Variants in ARIH1 observed in about 807,000 individuals in gnomAD.
The protein encoded by ARIH1 is E3 ubiquitin-protein ligase ARIH1.
A neutral mutation model predicts 85.0 loss-of-function variants in ARIH1; 8 were observed. The observed-to-expected ratio is 0.09, with a 90% CI of 0.06 to 0.17. ARIH1 has a LOEUF of 0.17. Among genes scored for constraint, ARIH1 ranks in the 10% least tolerant of loss-of-function variants. The probability of loss-of-function intolerance (pLI) is 1.00; values close to 1 mark genes in which losing one functional copy is unlikely to be tolerated. For synonymous variants in ARIH1, 238 were observed against 253.6 expected (o/e 0.94, Z 0.59); for missense variants, 311 against 718.1 (o/e 0.43, Z 6.48).
intron 12 of ARIH1, chr15:72,581,636 A>G (rs564951014): frequency 6.3e-6 from 1 of 159,844 alleles, no homozygotes; most frequent in South Asian, 1.7e-4. Context: ...GGTAACAGGT[A>G]CAAAACTAGC....
At position 72,572,049 on chromosome 15, in the gene ARIH1, T is replaced by C; in HGVS notation, c.1158-59T>C. 4.0e-6 allele frequency: 5 copies of C among 1,237,086 alleles called. No individual in the cohort carries two copies. The Admixed American group carries it at 6.4e-5, about 16-fold the overall frequency. The allele number at this position is 1,237,086 out of a possible 1,614,324, so 76.6% of individuals were successfully genotyped here. On this transcript the variant is annotated intron_variant, in intron 10 of 13. Transcript: ENST00000379887. ...AATCCAGGTTAAAATTCTGATTTTTTTTTTTTCCTTTTCATTGATTTTTTT... is the reference window on the plus strand; with the variant it reads ...AATCCAGGTTAAAATTCTGATTTTTCTTTTTTCCTTTTCATTGATTTTTTT...
chr15:72,509,503 C>T (rs547854449), intron 1 of ARIH1, among the ~76,000 whole-genome samples: 4 of 152,208 alleles, frequency 2.6e-5, no homozygotes, highest in African/African-American at 7.2e-5. Flanking sequence ...TTTCTTTCTA[C>T]CCCATTGTTT....
chr15:72,573,085 C>G (rs958924820), intron 11 of ARIH1, among the ~76,000 whole-genome samples: 16 of 152,320 alleles, frequency 1.1e-4, no homozygotes, highest in African/African-American at 3.6e-4. Flanking sequence ...ATATTCTTTT[C>G]AAATGATTTT....
chr15:72,567,265 T>C, intron 9 of ARIH1, 88 bp downstream of exon 9: 1 of 974,412 alleles, frequency 1.0e-6, no homozygotes, highest in Non-Finnish European at 1.6e-6. Context: ...GTGACCTACT[T>C]ACAGGCTTTG....
chr15:72,540,352 G>A (rs1210101111), intron 2 of ARIH1, among the ~76,000 whole-genome samples: 1 of 151,460 alleles, frequency 6.6e-6, no homozygotes, highest in Non-Finnish European at 1.5e-5. Flanking sequence ...CAAAACCAAA[G>A]GGATGATCAA....
chr15:72,505,261 T>C (rs2063919892), intron 1 of ARIH1, among the ~76,000 whole-genome samples: 1 of 152,204 alleles, frequency 6.6e-6, no homozygotes, highest in Non-Finnish European at 1.5e-5. Context: ...GCCTATAGTA[T>C]TTACAGTTAT....
chr15:72,544,820 G>A lies in ARIH1; in HGVS notation c.444G>A (p.Arg148=). 2 of 1,610,672 alleles carry A rather than the reference G, an allele frequency of 1.2e-6. No homozygotes were observed. Among genetic ancestry groups the A allele is most frequent in the Non-Finnish European group, 1.7e-6 (2 of 1,177,662 alleles). ...TATCCTTTCTGTTTAAATAATGCAG[G>A]TACTTTGATGGAAACCTGGAGAAGC... The part of the protein sequence containing the change: ...FNWDKEKLME[R]YFDGNLEKLF... The change falls in exon 3 of 14, where the codon AGG becomes AGA. Residue 148 remains arginine, a splice_region_variant and synonymous_variant. Transcript: ENST00000379887.
rs16957034 is a variant in ARIH1 at position 72,506,691 on chromosome 15, G to A, written c.376-11376G>A. On this transcript the variant is annotated intron_variant, in intron 1 of 13. Transcript: ENST00000379887. ...GCTTGTAGATTTTATGCAAACATGA[G>A]CCCATGCTTCTGTAGGAAAATCTTA... 9.5e-4 allele frequency among the ~76,000 whole-genome samples: 144 copies of A among 152,214 alleles called. 1 individual carries two copies. In the East Asian group the frequency reaches 0.022, roughly 23 times the overall value.
intron 5 of ARIH1, among the ~76,000 whole-genome samples, chr15:72,556,395 T>C (rs978041341): frequency 2.0e-5 from 3 of 152,206 alleles, no homozygotes; most frequent in African/African-American, 7.2e-5. Context: ...AGATTGCCCA[T>C]AGAGGAATAC....
At chr15:72,548,033 A>C (rs896886231) in intron 3 of ARIH1, among the ~76,000 whole-genome samples, 16 of 152,246 alleles carry the variant, frequency 1.1e-4, no homozygotes, top group Non-Finnish European at 1.8e-4. Context: ...CATTGAACAC[A>C]CTAGGCACTA....
chr15:72,542,394 G>A (rs947865792), intron 2 of ARIH1, among the ~76,000 whole-genome samples: 2 of 151,944 alleles, frequency 1.3e-5, no homozygotes, highest in Non-Finnish European at 2.9e-5. Flanking sequence ...AACTTAATAG[G>A]GAATAAGATC....
chr15:72,530,550 T>C (rs1441392439), intron 2 of ARIH1, among the ~76,000 whole-genome samples: 1 of 152,222 alleles, frequency 6.6e-6, no homozygotes, highest in Non-Finnish European at 1.5e-5. Flanking sequence ...GAAACAAACG[T>C]AAATCTTCTC....
At position 72,474,886 on chromosome 15, in the gene ARIH1, G is replaced by T. The variant is rs1465600303; in HGVS notation, c.247G>T (p.Gly83Cys). The change falls in exon 1 of 14, where the codon GGC (glycine) becomes TGC (cysteine). Residue 83 changes from glycine to cysteine, a missense_variant. Physicochemically the swap from Gly to Cys is radical, Grantham distance 159. This residue lies in a region of ARIH1 where 157 missense variants were observed against 185.1 expected (regional missense o/e 0.85). Transcript: ENST00000379887. ...GGGGCCCGGCGGTGGCGGCGGCGGC[G>T]GCGGCGGCGGTGGTGGTGGCGGGCC... ...ALGPGGGGGG[G>C]GGGGGGGPGH... The T allele has an allele frequency of 7.0e-7, 1 of 1,429,204 alleles. No homozygotes were observed. The highest frequency in any genetic ancestry group is 1.5e-5 in the South Asian group (1 of 65,926). The allele number at this position is 1,429,204 out of a possible 1,614,324, so 88.5% of individuals were successfully genotyped here.
At chr15:72,500,104 T>C (rs1028447216) in intron 1 of ARIH1, among the ~76,000 whole-genome samples, 1 of 151,992 alleles carries the variant, frequency 6.6e-6, no homozygotes, top group Admixed American at 6.6e-5. Context: ...TTCTCTCTTT[T>C]TTTTTTTTGA....
At position 72,569,231 on chromosome 15, in the gene ARIH1, C is replaced by G. The variant is rs188035826; in HGVS notation, c.1027-946C>G. 2.4e-4 allele frequency among the ~76,000 whole-genome samples: 36 copies of G among 152,222 alleles called. 1 individual carries two copies. In the East Asian group the frequency reaches 5.0e-3, roughly 21 times the overall value. On this transcript the variant is annotated intron_variant, in intron 9 of 13. Coordinates refer to ENST00000379887, the MANE Select transcript of ARIH1 (RefSeq NM_005744.5). ...ACTGAGGCAGGAGGATGACTTGAAC[C>G]CTTGAGGTCAAAGCTGCAGTGAGCC...
chr15:72,490,944 C>A (rs547032798), intron 1 of ARIH1, among the ~76,000 whole-genome samples: 1 of 151,896 alleles, frequency 6.6e-6, no homozygotes, highest in Non-Finnish European at 1.5e-5. Flanking sequence ...GGTGAAACCC[C>A]GTGTCTACTA....
At position 72,573,937 on chromosome 15, in the gene ARIH1, C is replaced by T. The variant is rs1344890958; in HGVS notation, c.1215+1772C>T. ...TAAATGATGTCCCTTAAGTCATATC[C>T]CACTAACTTTCTATATATTTCTATA... On this transcript the variant is annotated intron_variant, in intron 11 of 13. Coordinates refer to ENST00000379887, the MANE Select transcript of ARIH1 (RefSeq NM_005744.5). Among the ~76,000 whole-genome samples the T allele has an allele frequency of 5.3e-5, 8 of 152,044 alleles. No homozygotes were observed. In the East Asian group the frequency reaches 1.5e-3, roughly 29 times the overall value.
intron 1 of ARIH1, chr15:72,475,271 C>T (rs2063789999): frequency 5.8e-6 from 4 of 694,520 alleles, no homozygotes; most frequent in Non-Finnish European, 4.1e-6. Flanking sequence ...GTCGCCTAAG[C>T]CTTCTCTTGC....
chr15:72,561,036 A>G (rs1272677856), intron 5 of ARIH1, among the ~76,000 whole-genome samples: 1 of 152,214 alleles, frequency 6.6e-6, no homozygotes, highest in Admixed American at 6.5e-5. Context: ...AGGTATCACA[A>G]AACCTGGATC....
Sources: allele counts gnomAD v4.1 joint callset (sites outside exome capture counted in the v4.1 genomes callset), GRCh38; gene constraint gnomAD v4.1.1; regional missense constraint gnomAD v4.1.1; transcripts MANE v1.5; gene names NCBI Gene and HGNC (gene_info 2026-07-23, HGNC 2026-07-21).